RFTN1: variants seen among roughly 807,000 people sequenced by gnomAD.
The protein encoded by RFTN1 is raftlin.
Under a neutral mutation model 46.5 loss-of-function variants are expected in RFTN1, and 26 were observed. The ratio of observed to expected loss-of-function variants is 0.56; its 90% CI spans 0.41 to 0.78. The LOEUF (loss-of-function observed/expected upper bound fraction) is 0.78. Ranked by LOEUF, RFTN1 falls within the 30% of genes least tolerant of loss-of-function variation. The pLI is 0.00. For missense variants in RFTN1, 693 were observed against 718.7 expected (o/e 0.96, Z 0.41); for synonymous variants, 261 against 284.2 (o/e 0.92, Z 0.82).
intron 2 of RFTN1, among the ~76,000 whole-genome samples, chr3:16,439,134 T>C (rs1575293597): frequency 6.6e-6 from 1 of 152,128 alleles, no homozygotes; most frequent in East Asian, 1.9e-4. Flanking sequence ...ATCTCAATGA[T>C]CTTAAAGCAA....
rs1398286874 is a variant in RFTN1, at chr3:16,460,635, T to G, written c.146-26598A>C. ...CCTAAATCTTCTTCTCATTTTCTCC[T>G]TTTTTGGTGAGGGTAGAAATATCAT... On this transcript the variant is annotated intron_variant, in intron 2 of 9. Coordinates refer to ENST00000334133, the MANE Select transcript of RFTN1 (RefSeq NM_015150.2). The surrounding 1 kb of genome is among the most constrained non-coding windows in gnomAD (Gnocchi z 4.8). 6.6e-6 allele frequency among the ~76,000 whole-genome samples: 1 copy of G among 152,214 alleles called. No homozygotes were observed. Among genetic ancestry groups the G allele is most frequent in the Non-Finnish European group, 1.5e-5 (1 of 68,044 alleles).
chr3:16,324,034 T>TCACTTC, intron 8 of RFTN1, among the ~76,000 whole-genome samples: 1 of 152,046 alleles, frequency 6.6e-6, no homozygotes, highest in South Asian at 2.1e-4. Context: ...TACAGTGAAT[T>TCACTTC]CTCTCTTCCC....
At position 16,346,862 on chromosome 3, in the gene RFTN1, A is replaced by G. The variant is rs1252376708; in HGVS notation, c.1146+11070T>C. 6.6e-6 allele frequency among the ~76,000 whole-genome samples: 1 copy of G among 152,196 alleles called. No individual in the cohort carries two copies. The highest frequency in any genetic ancestry group is 2.4e-5 in the African/African-American group (1 of 41,440). On this transcript the variant is annotated intron_variant, in intron 7 of 9. Coordinates refer to ENST00000334133, the MANE Select transcript of RFTN1 (RefSeq NM_015150.2). The surrounding 1 kb of genome is among the most constrained non-coding windows in gnomAD (Gnocchi z 4.4). ...AGACAGGCTGAGGATGAGTACAGAA[A>G]GATGGCAACATCTGGATCCCTGGTG...
chr3:16,493,927 G>T, intron 1 of RFTN1, 50 bp from the exon 2 acceptor site: 1 of 1,605,158 alleles, frequency 6.2e-7, no homozygotes, highest in Non-Finnish European at 8.5e-7. Flanking sequence ...CTGAGATTTT[G>T]TCTTTAAACA....
chr3:16,323,445 T>C lies in RFTN1; in HGVS notation c.1263A>G (p.Val421=), dbSNP rs1342952048. 1 of 1,612,340 alleles carries C rather than the reference T, an allele frequency of 6.2e-7. No individual in the cohort carries two copies. Among genetic ancestry groups the C allele is most frequent in the East Asian group, 2.2e-5 (1 of 44,878 alleles). Residue 421 remains valine, a synonymous_variant, in exon 9 of 10, where the codon GTA becomes GTG. Coordinates refer to ENST00000334133, the MANE Select transcript of RFTN1 (RefSeq NM_015150.2). The stretch of plus-strand genomic sequence containing the variant: ...GAAGAAAGACAATCTGCTTGGTGGA[T>C]ACACTCCCCTCGCTGTAACACACGG... The part of the protein sequence containing the change: ...PVVKTTSEGS[V]STKQIVFLQR...
intron 3 of RFTN1, among the ~76,000 whole-genome samples, chr3:16,420,206 C>A (rs753981155): frequency 4.6e-5 from 7 of 152,146 alleles, no homozygotes; most frequent in Non-Finnish European, 1.5e-5. Flanking sequence ...AATTTCAATG[C>A]CCAGTGAGCT....
At chr3:16,438,323 G>A (rs1225300363) in intron 2 of RFTN1, among the ~76,000 whole-genome samples, 3 of 151,950 alleles carry the variant, frequency 2.0e-5, no homozygotes, top group African/African-American at 2.4e-5. Flanking sequence ...GGTGGCTCAC[G>A]CTTGTAATCG....
rs1420460893 is a variant in RFTN1, at chr3:16,484,115, A to T, written c.145+9610T>A. Among the ~76,000 whole-genome samples, 2 of 152,232 alleles carry T rather than the reference A, an allele frequency of 1.3e-5. No individual in the cohort carries two copies. The highest frequency in any genetic ancestry group is 2.9e-5 in the Non-Finnish European group (2 of 68,034). On this transcript the variant is annotated intron_variant, in intron 2 of 9. Coordinates refer to ENST00000334133, the MANE Select transcript of RFTN1 (RefSeq NM_015150.2). The surrounding 1 kb of genome is among the most constrained non-coding windows in gnomAD (Gnocchi z 4.6). ...GTGCCAGGATTTATAACTAGCCATTAGGCACCCAAACACTTAGCTCCCCAC... is the reference window on the plus strand; with the variant it reads ...GTGCCAGGATTTATAACTAGCCATTTGGCACCCAAACACTTAGCTCCCCAC...
intron 2 of RFTN1, chr3:16,454,631 C>T: frequency 2.9e-6 from 1 of 348,674 alleles, no homozygotes; most frequent in African/African-American, 2.2e-5. Context: ...ATACATAAGA[C>T]ACAAATCTCT....
At chr3:16,377,623 T>C (rs2073826804) in intron 5 of RFTN1, 95 bp downstream of exon 5, 2 of 1,503,712 alleles carry the variant, frequency 1.3e-6, no homozygotes, top group Non-Finnish European at 1.8e-6. Context: ...ACACTCTAAA[T>C]TCCATTCCTT....
intron 6 of RFTN1, among the ~76,000 whole-genome samples, chr3:16,358,471 A>G (rs184728671): frequency 5.6e-4 from 85 of 151,662 alleles, no homozygotes; most frequent in African/African-American, 1.9e-3. Context: ...GGGAAGAGAT[A>G]TAACACACCA....
rs1348215429 is a variant in RFTN1, at chr3:16,483,381, A to C, written c.145+10344T>G. Among the ~76,000 whole-genome samples the C allele has an allele frequency of 6.6e-6, 1 of 152,104 alleles. No individual in the cohort carries two copies. Among genetic ancestry groups the C allele is most frequent in the Non-Finnish European group, 1.5e-5 (1 of 68,014 alleles). ...CTCCCTCCCAGAACCTGCAGGCACCAGCAGCCAGGTATCCATCTTAGCCAG... is the reference window on the plus strand; with the variant it reads ...CTCCCTCCCAGAACCTGCAGGCACCCGCAGCCAGGTATCCATCTTAGCCAG... On this transcript the variant is annotated intron_variant, in intron 2 of 9. Coordinates refer to ENST00000334133, the MANE Select transcript of RFTN1 (RefSeq NM_015150.2). The surrounding 1 kb of genome is among the most constrained non-coding windows in gnomAD (Gnocchi z 4.8).
At chr3:16,398,521 C>G (rs1412579358) in intron 4 of RFTN1, among the ~76,000 whole-genome samples, 2 of 152,134 alleles carry the variant, frequency 1.3e-5, no homozygotes, top group African/African-American at 2.4e-5. Context: ...GTGGGCTGCC[C>G]CAGCTCATCC....
rs2076358068 is a variant in RFTN1, at chr3:16,481,026, CA to C, written c.145+12698del. 6.6e-6 allele frequency among the ~76,000 whole-genome samples: 1 copy of C among 151,690 alleles called. No individual in the cohort carries two copies. On this transcript the variant is annotated intron_variant, in intron 2 of 9. Coordinates refer to ENST00000334133, the MANE Select transcript of RFTN1 (RefSeq NM_015150.2). This position sits in a 1 kb window ranked among gnomAD's most constrained non-coding sequence, Gnocchi z 5.1. The stretch of plus-strand genomic sequence containing the variant: ...ACACACACACACACACACACACACA[CA>C]CACCTGAGCCCATTTTCATACAAGA...
intron 1 of RFTN1, among the ~76,000 whole-genome samples, chr3:16,496,379 C>T (rs1325537344): frequency 6.6e-6 from 1 of 152,198 alleles, no homozygotes; most frequent in South Asian, 2.1e-4. Flanking sequence ...GAGCGCCTAA[C>T]AAATTGATAA....
intron 4 of RFTN1, among the ~76,000 whole-genome samples, chr3:16,379,350 CATAAA>C (rs2073901258): frequency 2.0e-5 from 3 of 152,258 alleles, no homozygotes; most frequent in African/African-American, 7.2e-5. Context: ...CTGTGCTAGA[CATAAA>C]ATAAGAATAG....
rs146757904 is a variant in RFTN1, at chr3:16,385,240, C to T, written c.442-7138G>A. 1.3e-5 allele frequency among the ~76,000 whole-genome samples: 2 copies of T among 152,330 alleles called. No individual in the cohort carries two copies. The highest frequency in any genetic ancestry group is 4.8e-5 in the African/African-American group (2 of 41,578). The stretch of plus-strand genomic sequence containing the variant: ...ACAACCCTTCCCATCTTGTCACCTA[C>T]ACTCTTGTACAGCTTTCTGAAAAGG... On this transcript the variant is annotated intron_variant, in intron 4 of 9. Coordinates refer to ENST00000334133, the MANE Select transcript of RFTN1 (RefSeq NM_015150.2). The surrounding 1 kb of genome is among the most constrained non-coding windows in gnomAD (Gnocchi z 5.0).
chr3:16,485,733 C>G (rs1344599659), intron 2 of RFTN1, among the ~76,000 whole-genome samples: 1 of 152,176 alleles, frequency 6.6e-6, no homozygotes, highest in Non-Finnish European at 1.5e-5. Flanking sequence ...GAACTCATCA[C>G]CCAGGCACTT....
chr3:16,410,063 G>A lies in RFTN1; in HGVS notation c.333-580C>T, dbSNP rs1490785708. Among the ~76,000 whole-genome samples, 2 of 151,302 alleles carry A rather than the reference G, an allele frequency of 1.3e-5. No individual in the cohort carries two copies. Among genetic ancestry groups the A allele is most frequent in the Admixed American group, 6.6e-5 (1 of 15,196 alleles). On this transcript the variant is annotated intron_variant, in intron 3 of 9. Coordinates refer to ENST00000334133, the MANE Select transcript of RFTN1 (RefSeq NM_015150.2). The surrounding 1 kb of genome is among the most constrained non-coding windows in gnomAD (Gnocchi z 4.6). ...CCCCAGATTCTTTCCCGAAAGTAAC[G>A]TCAAAAAGGCACTGATGAAAAATGG...
Sources: gnomAD v4.1 joint callset for allele counts (sites outside exome capture counted in the v4.1 genomes callset) on GRCh38, gnomAD v4.1.1 for gene constraint, Gnocchi (gnomAD v3.1) non-coding constraint, MANE v1.5 for transcripts, NCBI Gene and HGNC (gene_info 2026-07-23, HGNC 2026-07-21) for gene names.